The following CSMD1 variants were observed in gnomAD, a reference collection of about 807,000 sequenced individuals.
The protein encoded by CSMD1 is CUB and sushi domain-containing protein 1.
A neutral mutation model predicts 417.5 loss-of-function variants in CSMD1; 213 were observed. The observed-to-expected ratio is 0.51, with a 90% CI of 0.46 to 0.57. CSMD1 has a LOEUF of 0.57. Ranked by LOEUF, CSMD1 falls within the 20% of genes least tolerant of loss-of-function variation. The pLI is 0.00. For missense variants in CSMD1, 6,923 were observed against 4,529.7 expected (o/e 1.53, Z -15.17); for synonymous variants, 2,862 against 1,736.8 (o/e 1.65, Z -16.11).
At chr8:4,732,023 T>C (rs1484644000) in intron 1 of CSMD1, among the ~76,000 whole-genome samples, 1 of 152,110 alleles carries the variant, frequency 6.6e-6, no homozygotes, top group East Asian at 1.9e-4. Context: ...GAGGAGCCAG[T>C]GTTGACTGCA....
At chr8:4,292,103 A>T (rs982686981) in intron 3 of CSMD1, among the ~76,000 whole-genome samples, 2 of 152,210 alleles carry the variant, frequency 1.3e-5, no homozygotes, top group Non-Finnish European at 2.9e-5. Flanking sequence ...GGGAACAGGA[A>T]CAATGAAGAC....
chr8:3,884,587 A>G (rs1160674689), intron 5 of CSMD1, among the ~76,000 whole-genome samples: 2 of 152,192 alleles, frequency 1.3e-5, no homozygotes, highest in East Asian at 3.9e-4. Flanking sequence ...ACACATGGAA[A>G]CATCGGTGAG....
intron 3 of CSMD1, among the ~76,000 whole-genome samples, chr8:4,335,327 C>G (rs1435219643): frequency 2.0e-5 from 3 of 152,108 alleles, no homozygotes; most frequent in East Asian, 3.9e-4. Context: ...CAACCTCGGA[C>G]TTTTGTGGGG....
chr8:4,323,319 C>T (rs370943088), intron 3 of CSMD1, among the ~76,000 whole-genome samples: 2 of 152,260 alleles, frequency 1.3e-5, no homozygotes, highest in African/African-American at 4.8e-5. Context: ...CTATATAGTA[C>T]TTCAACCCCT....
At chr8:4,917,867 G>A (rs1443937547) in intron 1 of CSMD1, among the ~76,000 whole-genome samples, 1 of 152,156 alleles carries the variant, frequency 6.6e-6, no homozygotes, top group Non-Finnish European at 1.5e-5. Flanking sequence ...TAACATTTGA[G>A]ATGGGCCTGG....
At chr8:3,503,588 C>A (rs969609439) in intron 10 of CSMD1, among the ~76,000 whole-genome samples, 1 of 152,206 alleles carries the variant, frequency 6.6e-6, no homozygotes, top group Non-Finnish European at 1.5e-5. Context: ...AGGGCCCTGC[C>A]AAGTCCCTTT....
intron 7 of CSMD1, among the ~76,000 whole-genome samples, chr8:3,664,480 T>C (rs958305161): frequency 2.0e-5 from 3 of 152,226 alleles, no homozygotes; most frequent in African/African-American, 4.8e-5. Context: ...AGCTCAATGT[T>C]AATCATGCAT....
intron 2 of CSMD1, among the ~76,000 whole-genome samples, chr8:4,454,810 T>C (rs1438585342): frequency 6.6e-6 from 1 of 152,216 alleles, no homozygotes; most frequent in African/African-American, 2.4e-5. Flanking sequence ...AAGTGAAAAT[T>C]ATCTCAACCA....
rs138922491 is a variant in CSMD1, at chr8:4,428,287, A to G, written c.303-8222T>C. Among the ~76,000 whole-genome samples, 552 of 152,338 alleles carry G rather than the reference A, an allele frequency of 3.6e-3. 3 individuals carry two copies. Among genetic ancestry groups the G allele is most frequent in the African/African-American group, 0.013 (523 of 41,578 alleles). On this transcript the variant is annotated intron_variant, in intron 2 of 69. Transcript: ENST00000635120. ...TACAAGGAAAATCAGGACAGCTTGT[A>G]CCAAGACAACTACTTCACATCTAAC...
intron 16 of CSMD1, 144 bp from the exon 17 acceptor site, chr8:3,396,525 G>A (rs571814815): frequency 1.5e-4 from 89 of 594,806 alleles, no homozygotes; most frequent in Non-Finnish European, 2.4e-4. Context: ...TAAAACTTGG[G>A]TACAAATATA....
At chr8:3,288,546 G>A (rs1048144337) in intron 25 of CSMD1, among the ~76,000 whole-genome samples, 1 of 147,346 alleles carries the variant, frequency 6.8e-6, no homozygotes, top group Non-Finnish European at 1.5e-5. Flanking sequence ...ATGTGTCGAA[G>A]AATTTATCCA....
At chr8:3,426,162 A>G (rs767299528) in intron 12 of CSMD1, among the ~76,000 whole-genome samples, 4 of 152,210 alleles carry the variant, frequency 2.6e-5, no homozygotes, top group African/African-American at 4.8e-5. Flanking sequence ...TTTCCTTTCA[A>G]TAACAGTAGA....
Position 3,659,712 on chromosome 8 carries a change from G to C in CSMD1, c.1010-42915C>G, listed in dbSNP as rs142048394. Among the ~76,000 whole-genome samples the C allele has an allele frequency of 1.3e-4, 20 of 152,178 alleles. No individual in the cohort carries two copies. In the East Asian group the frequency reaches 3.9e-3, roughly 29 times the overall value. ...GGGCTTTCCAAACAAGCTCAAATCA[G>C]TTCTACACTCCATAATATTAATTCC... On this transcript the variant is annotated intron_variant, in intron 7 of 69. Coordinates refer to ENST00000635120, the MANE Select transcript of CSMD1 (RefSeq NM_033225.6).
chr8:3,461,178 C>T (rs1366418573), intron 12 of CSMD1, among the ~76,000 whole-genome samples: 1 of 152,174 alleles, frequency 6.6e-6, no homozygotes, highest in East Asian at 1.9e-4. Context: ...GCACACCTCT[C>T]AGGGAAGTGC....
At chr8:4,224,014 C>T (rs1161038144) in intron 3 of CSMD1, among the ~76,000 whole-genome samples, 1 of 152,090 alleles carries the variant, frequency 6.6e-6, no homozygotes, top group African/African-American at 2.4e-5. Context: ...AAACTCGTAT[C>T]CCGGGTACGT....
At chr8:3,917,925 A>G (rs1365865717) in intron 5 of CSMD1, among the ~76,000 whole-genome samples, 1 of 152,144 alleles carries the variant, frequency 6.6e-6, no homozygotes, top group East Asian at 1.9e-4. Context: ...TGTGTTTTTT[A>G]AGCATTTAAA....
chr8:4,398,379 C>G (rs1251734561), intron 3 of CSMD1, among the ~76,000 whole-genome samples: 1 of 142,788 alleles, frequency 7.0e-6, no homozygotes, highest in Non-Finnish European at 1.5e-5. Context: ...AATTGTCTTG[C>G]TGCAACTTCT....
chr8:3,199,762 T>A lies in CSMD1; in HGVS notation c.5146A>T (p.Ser1716Cys). 2 of 1,587,990 alleles carry A rather than the reference T, an allele frequency of 1.3e-6. No individual in the cohort carries two copies. Among genetic ancestry groups the A allele is most frequent in the Non-Finnish European group, 1.7e-6 (2 of 1,166,758 alleles). The change falls in exon 33 of 70, where the codon AGT becomes TGT. Residue 1716 changes from serine (S) to cysteine (C), a missense_variant. Transcript: ENST00000635120. ...ATSNQILLRF[S>C]AKSGASARGF... ...CGGGCAGAGGCACCGCTCTTTGCACTGAATCGGAGCAGAATTTGATTTGAC... is the reference window on the plus strand; with the variant it reads ...CGGGCAGAGGCACCGCTCTTTGCACAGAATCGGAGCAGAATTTGATTTGAC...
rs568208963 is a variant in CSMD1, at chr8:4,646,003, T to A, written c.86-8445A>T. Among the ~76,000 whole-genome samples the A allele has an allele frequency of 8.5e-5, 13 of 152,370 alleles. 1 individual carries two copies. The South Asian group carries it at 2.7e-3, about 32-fold the overall frequency. On this transcript the variant is annotated intron_variant, in intron 1 of 69. Coordinates refer to ENST00000635120, the MANE Select transcript of CSMD1 (RefSeq NM_033225.6). ...AAATCAAAAACAACAAGCACTGTTT[T>A]ATTCACGATTCCCAGATCTCACATC...
Sources: allele counts gnomAD v4.1 joint callset (sites outside exome capture counted in the v4.1 genomes callset), GRCh38; gene constraint gnomAD v4.1.1; transcripts MANE v1.5; gene names NCBI Gene and HGNC (gene_info 2026-07-23, HGNC 2026-07-21).